CAMK4: variants seen among roughly 807,000 people sequenced by gnomAD.
The protein encoded by CAMK4 is calcium/calmodulin-dependent protein kinase type IV.
In CAMK4, 22 loss-of-function variants were observed where a neutral mutation model predicts 44.9. The observed-to-expected ratio is 0.49, with a 90% CI of 0.35 to 0.70. The LOEUF (loss-of-function observed/expected upper bound fraction) is 0.70. Ranked by LOEUF, CAMK4 falls within the 30% of genes least tolerant of loss-of-function variation. The pLI, the probability that CAMK4 is intolerant of heterozygous loss-of-function variation, is 0.01. For synonymous variants in CAMK4, 218 were observed against 215.4 expected (o/e 1.01, Z -0.11); for missense variants, 498 against 586.8 (o/e 0.85, Z 1.56).
intron 5 of CAMK4, among the ~76,000 whole-genome samples, chr5:111,396,230 A>G (rs1234078283): frequency 1.3e-5 from 2 of 152,224 alleles, no homozygotes; most frequent in African/African-American, 4.8e-5. Context: ...CAGTCCTTCC[A>G]AATTATTTAT....
At chr5:111,423,827 C>T (rs74852163) in intron 5 of CAMK4, among the ~76,000 whole-genome samples, 21 of 152,260 alleles carry the variant, frequency 1.4e-4, no homozygotes, top group Non-Finnish European at 2.8e-4. Flanking sequence ...CCAGACAACA[C>T]TCCCATGACT....
chr5:111,454,328 G>A (rs1246571682), intron 7 of CAMK4, among the ~76,000 whole-genome samples: 1 of 152,030 alleles, frequency 6.6e-6, no homozygotes, highest in Non-Finnish European at 1.5e-5. Context: ...TATACCATCT[G>A]TCATTTCTCA....
chr5:111,302,502 G>C lies in CAMK4; in HGVS notation c.162-41522G>C, dbSNP rs11749127. 3.8e-3 allele frequency: 541 copies of C among 141,752 alleles called. 1 individual carries two copies. Among genetic ancestry groups the C allele is most frequent in the Non-Finnish European group, 6.2e-3 (409 of 66,404 alleles). 8.8% of individuals were successfully genotyped at this position (141,752 alleles called of 1,614,324 possible). ...GGGTGACGGACGCACCTGGAAAATC[G>C]GGTCACTCCCACCCGAATATTGCGC... On this transcript the variant is annotated intron_variant, in intron 1 of 10. Coordinates refer to ENST00000282356, the MANE Select transcript of CAMK4 (RefSeq NM_001744.6).
intron 5 of CAMK4, among the ~76,000 whole-genome samples, chr5:111,444,471 T>G (rs574075306): frequency 1.2e-4 from 19 of 152,284 alleles, no homozygotes; most frequent in Admixed American, 7.9e-4. Context: ...AACACTCCCA[T>G]GAAGAGTTTC....
intron 4 of CAMK4, among the ~76,000 whole-genome samples, chr5:111,386,627 T>A (rs1751614195): frequency 6.6e-6 from 1 of 152,334 alleles, no homozygotes; most frequent in East Asian, 1.9e-4. Context: ...AGCAGCTCCA[T>A]AGAGAGAAAT....
intron 7 of CAMK4, among the ~76,000 whole-genome samples, chr5:111,470,951 A>G (rs1755042000): frequency 1.3e-5 from 2 of 152,200 alleles, no homozygotes; most frequent in Admixed American, 6.5e-5. Context: ...TGCCTTGAGC[A>G]TCCAAAAAAA....
rs1043720649 is a variant in CAMK4 at position 111,320,132 on chromosome 5, A to T, written c.162-23892A>T. Among the ~76,000 whole-genome samples, 8 of 152,202 alleles carry T rather than the reference A, an allele frequency of 5.3e-5. No homozygotes were observed. In the East Asian group the frequency reaches 7.7e-4, roughly 15 times the overall value. ...AGGTGATGTAAACAAAAAGAGAAGC[A>T]TGCTCAACTCAGTGAATCTGATACT... On this transcript the variant is annotated intron_variant, in intron 1 of 10. Coordinates refer to ENST00000282356, the MANE Select transcript of CAMK4 (RefSeq NM_001744.6).
intron 1 of CAMK4, among the ~76,000 whole-genome samples, chr5:111,329,505 A>T (rs1212501153): frequency 6.6e-6 from 1 of 151,906 alleles, no homozygotes; most frequent in African/African-American, 2.4e-5. Flanking sequence ...ATACCACATT[A>T]TTTTATAAAT....
intron 2 of CAMK4, among the ~76,000 whole-genome samples, chr5:111,359,864 G>A (rs1750520602): frequency 6.6e-6 from 1 of 152,030 alleles, no homozygotes; most frequent in South Asian, 2.1e-4. Flanking sequence ...CAGGACATAT[G>A]GAGTGTCCTG....
chr5:111,237,037 C>G (rs1234888141), intron 1 of CAMK4, among the ~76,000 whole-genome samples: 1 of 152,180 alleles, frequency 6.6e-6, no homozygotes, highest in Non-Finnish European at 1.5e-5. Context: ...TTGTTCAGTA[C>G]GTGTCTCCCT....
intron 1 of CAMK4, among the ~76,000 whole-genome samples, chr5:111,293,742 C>CTTTTT (rs35117453): frequency 8.4e-5 from 7 of 83,538 alleles, no homozygotes; most frequent in Non-Finnish European, 1.3e-4. Context: ...TGCTGCTCTA[C>CTTTTT]TTTTTTTTTT....
Position 111,443,307 on chromosome 5 carries a change from C to T in CAMK4, c.460-3379C>T, listed in dbSNP as rs1297734615. On this transcript the variant is annotated intron_variant, in intron 5 of 10. Transcript: ENST00000282356. ...ACACACACACACACACACACACACA[C>T]ACACACACTATATATATATACTATA... is the stretch of plus-strand genomic sequence containing the variant. 3.3e-3 allele frequency among the ~76,000 whole-genome samples: 441 copies of T among 132,788 alleles called. 1 individual carries two copies. The highest frequency in any genetic ancestry group is 0.012 in the African/African-American group (426 of 34,906). 87.1% of individuals were successfully genotyped at this position (132,788 alleles called of 152,430 possible). A position where few individuals can be genotyped will look rare whatever the true frequency, so the allele number is the denominator to read the frequency against.
chr5:111,334,391 G>A (rs569041816), intron 1 of CAMK4, among the ~76,000 whole-genome samples: 30 of 151,542 alleles, frequency 2.0e-4, no homozygotes, highest in Admixed American at 5.3e-4. Context: ...GAGCATTGAT[G>A]AGTTGCAGGC....
At chr5:111,235,916 G>C (rs1748692199) in intron 1 of CAMK4, among the ~76,000 whole-genome samples, 1 of 152,212 alleles carries the variant, frequency 6.6e-6, no homozygotes, top group Non-Finnish European at 1.5e-5. Context: ...GCACCAAGCA[G>C]GCCATTCTGG....
upstream of CAMK4, chr5:111,224,072 C>T (rs1199612551): frequency 1.8e-5 from 3 of 168,708 alleles, no homozygotes; most frequent in Non-Finnish European, 3.7e-5. The surrounding 1 kb of genome is among the most constrained non-coding windows in gnomAD (Gnocchi z 5.7). Context: ...TGCGCGGGTC[C>T]TTGTGCCTTC....
In CAMK4 at chr5:111,400,129, G is replaced by T. The variant is rs1013180747; in HGVS notation, c.459+5347G>T. 7.6e-5 allele frequency among the ~76,000 whole-genome samples: 8 copies of T among 105,142 alleles called. 1 individual carries two copies. In the East Asian group the frequency reaches 8.0e-4, roughly 11 times the overall value. The allele number at this position is 105,142 out of a possible 152,430, so 69.0% of individuals were successfully genotyped here. A position where few individuals can be genotyped will look rare whatever the true frequency, so the allele number is the denominator to read the frequency against. ...TACATTTAAAAAGAAATTGTTGAGG[G>T]TTTGTTTTTTTTTGTCACTAAGTTC... is the stretch of plus-strand genomic sequence containing the variant. On this transcript the variant is annotated intron_variant, in intron 5 of 10. Transcript: ENST00000282356.
In CAMK4 at chr5:111,454,188, C is replaced by T. The variant is rs538716033; in HGVS notation, c.625+4985C>T. Among the ~76,000 whole-genome samples the T allele has an allele frequency of 5.9e-5, 9 of 152,186 alleles. No individual in the cohort carries two copies. In the South Asian group the frequency reaches 8.3e-4, roughly 14 times the overall value. On this transcript the variant is annotated intron_variant, in intron 7 of 10. Coordinates refer to ENST00000282356, the MANE Select transcript of CAMK4 (RefSeq NM_001744.6). ...CCATATAATTGACAGAGATGAGATG[C>T]GAGCTTGTTTCGTTGCTTGTTAGGA...
intron 4 of CAMK4, among the ~76,000 whole-genome samples, chr5:111,387,247 C>G (rs541896343): frequency 2.6e-4 from 40 of 152,246 alleles, no homozygotes; most frequent in African/African-American, 9.6e-4. Flanking sequence ...GCTTCTAAAA[C>G]TCAGAGTCAT....
chr5:111,338,691 ATCCTAGC>A (rs1749511989), intron 1 of CAMK4, among the ~76,000 whole-genome samples: 1 of 151,322 alleles, frequency 6.6e-6, no homozygotes, highest in Non-Finnish European at 1.5e-5. Flanking sequence ...CTAGCCAGCT[ATCCTAGC>A]ACCATTTATT....
Sources: gnomAD v4.1 joint callset for allele counts (sites outside exome capture counted in the v4.1 genomes callset) on GRCh38, gnomAD v4.1.1 for gene constraint, Gnocchi (gnomAD v3.1) non-coding constraint, MANE v1.5 for transcripts, NCBI Gene and HGNC (gene_info 2026-07-23, HGNC 2026-07-21) for gene names.